SMC5: variants seen among roughly 807,000 people sequenced by gnomAD.
The protein encoded by SMC5 is structural maintenance of chromosomes 5.
Under a neutral mutation model 148.3 loss-of-function variants are expected in SMC5, and 88 were observed. The ratio of observed to expected loss-of-function variants is 0.59; its 90% CI spans 0.50 to 0.71. SMC5 has a LOEUF of 0.71. Ranked by LOEUF, SMC5 falls within the 30% of genes least tolerant of loss-of-function variation. The pLI, the probability that SMC5 is intolerant of heterozygous loss-of-function variation, is 0.00. For missense variants in SMC5, 1,142 were observed against 1,298.9 expected, an observed-to-expected ratio of 0.88 and a Z score of 1.86; for synonymous variants, 421 against 432.8, an observed-to-expected ratio of 0.97 and a Z score of 0.34.
chr9:70,320,433 A>AG (rs1305026874), intron 15 of SMC5, among the ~76,000 whole-genome samples: 2 of 152,282 alleles, frequency 1.3e-5, no homozygotes, highest in Non-Finnish European at 2.9e-5. Flanking sequence ...AAAAATATTC[A>AG]GGGGGACAAA....
At chr9:70,332,795 A>C (rs776567081) in intron 17 of SMC5, among the ~76,000 whole-genome samples, 25 of 152,324 alleles carry the variant, frequency 1.6e-4, no homozygotes, top group Middle Eastern at 3.4e-3. Flanking sequence ...TTGGATATTC[A>C]TCAATATAAT....
chr9:70,331,387 C>T (rs976976707), intron 17 of SMC5, among the ~76,000 whole-genome samples: 2 of 151,512 alleles, frequency 1.3e-5, no homozygotes, highest in African/African-American at 4.9e-5. Context: ...CTGATTTAAA[C>T]AAATCAACTA....
At chr9:70,306,055 C>G (rs2035486842) in intron 11 of SMC5, among the ~76,000 whole-genome samples, 1 of 152,104 alleles carries the variant, frequency 6.6e-6, no homozygotes, top group Non-Finnish European at 1.5e-5. Flanking sequence ...ATTAACTCAT[C>G]ATTATCGTAA....
At chr9:70,278,340 A>T in intron 4 of SMC5, 151 bp from the exon 5 acceptor site, 1 of 709,468 alleles carries the variant, frequency 1.4e-6, no homozygotes, top group Non-Finnish European at 2.2e-6. Flanking sequence ...GTTTATCTTC[A>T]TTATTCTAAA....
intron 16 of SMC5, 67 bp from the exon 17 acceptor site, chr9:70,323,954 C>A: frequency 1.5e-6 from 2 of 1,338,724 alleles, no homozygotes. Flanking sequence ...TTTTAAAAAA[C>A]TATACATTTT....
chr9:70,267,669 C>G (rs148783572), intron 2 of SMC5, among the ~76,000 whole-genome samples: 1 of 151,996 alleles, frequency 6.6e-6, no homozygotes. Context: ...GGCTTTGTCA[C>G]GAGGTTGGTA....
At chr9:70,273,738 G>T (rs1587625063) in intron 3 of SMC5, among the ~76,000 whole-genome samples, 1 of 151,950 alleles carries the variant, frequency 6.6e-6, no homozygotes, top group African/African-American at 2.4e-5. Flanking sequence ...TTATTTTTTA[G>T]TATTGGTTTC....
At chr9:70,329,741 C>T (rs1163519637) in intron 17 of SMC5, among the ~76,000 whole-genome samples, 1 of 152,168 alleles carries the variant, frequency 6.6e-6, no homozygotes, top group African/African-American at 2.4e-5. Context: ...TATAGCAATG[C>T]CCCCACTTCT....
chr9:70,330,276 A>ATC (rs1453847423), intron 17 of SMC5, among the ~76,000 whole-genome samples: 3 of 152,108 alleles, frequency 2.0e-5, no homozygotes, highest in African/African-American at 7.2e-5. Flanking sequence ...TGCCTGTTAG[A>ATC]TGTCAGTAGT....
intron 15 of SMC5, among the ~76,000 whole-genome samples, chr9:70,319,682 G>A (rs1290289129): frequency 1.3e-5 from 2 of 152,192 alleles, no homozygotes; most frequent in African/African-American, 2.4e-5. Flanking sequence ...AACCATATCA[G>A]TGAACTTGTG....
Position 70,346,647 on chromosome 9 carries a change from A to T in SMC5, c.2566A>T (p.Met856Leu). 1.9e-6 allele frequency: 3 copies of T among 1,613,884 alleles called. No homozygotes were observed. Among genetic ancestry groups the T allele is most frequent in the Non-Finnish European group, 2.5e-6 (3 of 1,179,844 alleles). ...IPNGHNSSLP[M>L]VFQDLPNTLD... ...AAATGGACACAACTCCTCACTCCCC[A>T]TGGTATGCAGTACTCATTCTTTTTT... The change falls in exon 19 of 25, where the codon ATG becomes TTG. Residue 856 changes from methionine (M) to leucine (L), a missense_variant and splice_region_variant. By Grantham distance (15) the Met-to-Leu change is conservative (BLOSUM62 2). Coordinates refer to ENST00000361138, the MANE Select transcript of SMC5 (RefSeq NM_015110.4).
chr9:70,259,618 C>T (rs1016509919), intron 1 of SMC5, among the ~76,000 whole-genome samples: 4 of 152,166 alleles, frequency 2.6e-5, no homozygotes, highest in African/African-American at 9.7e-5. Flanking sequence ...TCCCCGGGAA[C>T]TTAAGAGGAG....
intron 3 of SMC5, among the ~76,000 whole-genome samples, chr9:70,271,400 C>G (rs1005574275): frequency 1.3e-5 from 2 of 152,110 alleles, no homozygotes; most frequent in African/African-American, 4.8e-5. Flanking sequence ...TAAAACAGCT[C>G]ATCATTAGTT....
At chr9:70,340,992 A>T (rs1241728739) in intron 17 of SMC5, among the ~76,000 whole-genome samples, 5 of 152,150 alleles carry the variant, frequency 3.3e-5, no homozygotes, top group African/African-American at 1.2e-4. Context: ...TCTTAAACAG[A>T]TGGAGTATTT....
intron 17 of SMC5, among the ~76,000 whole-genome samples, chr9:70,343,511 T>G (rs2036577000): frequency 6.6e-6 from 1 of 152,126 alleles, no homozygotes; most frequent in South Asian, 2.1e-4. Flanking sequence ...GTATCTCAAA[T>G]CTGATTATAA....
chr9:70,270,485 G>T (rs541478270), intron 3 of SMC5, among the ~76,000 whole-genome samples: 2 of 151,978 alleles, frequency 1.3e-5, no homozygotes, highest in Non-Finnish European at 2.9e-5. Context: ...GGGGCTGAAG[G>T]TTCTAAGTTT....
intron 8 of SMC5, among the ~76,000 whole-genome samples, chr9:70,296,646 A>T (rs1293400636): frequency 6.6e-6 from 1 of 152,206 alleles, no homozygotes; most frequent in Non-Finnish European, 1.5e-5. Flanking sequence ...AATGCATTAT[A>T]ACTTTTATAA....
At chr9:70,315,309 A>AAAAG in intron 12 of SMC5, 137 bp from the exon 13 acceptor site, 1 of 370,014 alleles carries the variant, frequency 2.7e-6, no homozygotes, top group South Asian at 7.7e-5. Flanking sequence ...TTTAAAATAT[A>AAAAG]AAAGAAAAAA....
intron 3 of SMC5, among the ~76,000 whole-genome samples, chr9:70,271,597 A>G (rs896815661): frequency 6.6e-6 from 1 of 152,198 alleles, no homozygotes; most frequent in Non-Finnish European, 1.5e-5. Context: ...GGACAGTTAG[A>G]TAAGTAAAAT....
Sources: allele counts gnomAD v4.1 joint callset (sites outside exome capture counted in the v4.1 genomes callset), GRCh38; gene constraint gnomAD v4.1.1; transcripts MANE v1.5; gene names NCBI Gene and HGNC (gene_info 2026-07-23, HGNC 2026-07-21).